PRELID2: variants seen among roughly 807,000 people sequenced by gnomAD.
The protein encoded by PRELID2 is PRELI domain-containing protein 2.
PRELID2 carries 25 observed loss-of-function variants against 28.4 expected under a neutral mutation model. That is an observed-to-expected ratio of 0.88 (90% CI 0.64 to 1.23). The LOEUF (loss-of-function observed/expected upper bound fraction) is 1.23, where lower values mean the gene tolerates loss of function less well. Among genes scored for constraint, PRELID2 ranks in the 50% most tolerant of loss-of-function variants. PRELID2 has a pLI of 0.00. For missense variants in PRELID2, 201 were observed against 214.4 expected (o/e 0.94, Z 0.39); for synonymous variants, 76 against 71.6 (o/e 1.06, Z -0.31).
intron 1 of PRELID2, among the ~76,000 whole-genome samples, chr5:145,626,809 C>A (rs1753852290): frequency 6.6e-6 from 1 of 152,008 alleles, no homozygotes; most frequent in South Asian, 2.1e-4. Flanking sequence ...TTTAAAATGT[C>A]ATGTATAGGC....
the PRELID2 span, among the ~76,000 whole-genome samples, chr5:145,232,053 A>G: frequency 6.6e-6 from 1 of 152,174 alleles, no homozygotes; most frequent in East Asian, 1.9e-4. Flanking sequence ...CAGATTTTTT[A>G]AAAACACATT....
At chr5:145,718,956 C>T (rs1020829000) in intron 1 of PRELID2, among the ~76,000 whole-genome samples, 1 of 152,030 alleles carries the variant, frequency 6.6e-6, no homozygotes, top group East Asian at 1.9e-4. Flanking sequence ...TAAAAGCATA[C>T]ACTATATGGG....
the PRELID2 span, among the ~76,000 whole-genome samples, chr5:145,340,882 C>G: frequency 6.6e-6 from 1 of 150,920 alleles, no homozygotes. Context: ...AACACTGCCA[C>G]CACTAGGGCC....
chr5:145,723,541 G>A (rs1276027906), intron 1 of PRELID2, among the ~76,000 whole-genome samples: 1 of 152,102 alleles, frequency 6.6e-6, no homozygotes, highest in Admixed American at 6.6e-5. Flanking sequence ...ATGAGTTAAA[G>A]GCACAAGCCA....
chr5:145,720,430 A>G (rs1755956214), intron 1 of PRELID2, among the ~76,000 whole-genome samples: 1 of 151,976 alleles, frequency 6.6e-6, no homozygotes, highest in African/African-American at 2.4e-5. Context: ...CATACAGATC[A>G]AGGCAAGAAG....
chr5:145,402,669 G>A, the PRELID2 span, among the ~76,000 whole-genome samples: 25 of 152,112 alleles, frequency 1.6e-4, no homozygotes. Context: ...ATATTAGTGT[G>A]CACCTGATGA....
downstream of PRELID2, among the ~76,000 whole-genome samples, chr5:145,751,609 T>G (rs183205915): frequency 2.6e-5 from 4 of 152,358 alleles, no homozygotes; most frequent in East Asian, 7.7e-4. Context: ...CAATTTTACT[T>G]TCTACAAAGT....
At chr5:145,827,304 C>A (rs916573702) in intron 1 of PRELID2, among the ~76,000 whole-genome samples, 2 of 152,046 alleles carry the variant, frequency 1.3e-5, no homozygotes, top group African/African-American at 4.8e-5. Context: ...AGAAGAAAAG[C>A]AAAGTTGATT....
chr5:145,806,099 G>A (rs529034802), intron 4 of PRELID2, among the ~76,000 whole-genome samples: 1 of 151,940 alleles, frequency 6.6e-6, no homozygotes, highest in Admixed American at 6.6e-5. Context: ...TGTACACCTA[G>A]GCTACACTAA....
the PRELID2 span, among the ~76,000 whole-genome samples, chr5:145,251,616 C>T: frequency 1.3e-5 from 2 of 152,090 alleles, no homozygotes; most frequent in Non-Finnish European, 2.9e-5. Flanking sequence ...ATCAATACTC[C>T]CCATAGTCTT....
chr5:145,544,653 G>C (rs1752770712), intron 1 of PRELID2, among the ~76,000 whole-genome samples: 1 of 152,074 alleles, frequency 6.6e-6, no homozygotes, highest in Non-Finnish European at 1.5e-5. Context: ...CTCTGTGGTG[G>C]TGTGTGTCTC....
At chr5:145,818,196 C>T (rs892148386) in intron 3 of PRELID2, 142 bp from the exon 4 acceptor site, 14 of 826,916 alleles carry the variant, frequency 1.7e-5, no homozygotes, top group Non-Finnish European at 2.4e-5. Context: ...AGTGGCTGTA[C>T]GTTTTTGATA....
the PRELID2 span, among the ~76,000 whole-genome samples, chr5:145,408,395 TTATA>T: frequency 0.062 from 7,945 of 129,160 alleles, 246 homozygotes; most frequent in Middle Eastern, 0.085. Flanking sequence ...TTAAAGAAAT[TTATA>T]TATATATATA....
chr5:145,402,253 C>T, the PRELID2 span, among the ~76,000 whole-genome samples: 1 of 152,108 alleles, frequency 6.6e-6, no homozygotes, highest in Non-Finnish European at 1.5e-5. Context: ...GCAAAACTGG[C>T]TTTTCTTGAG....
downstream of PRELID2, among the ~76,000 whole-genome samples, chr5:145,751,678 T>C (rs1468117440): frequency 2.6e-5 from 4 of 152,216 alleles, no homozygotes; most frequent in Non-Finnish European, 4.4e-5. Context: ...GAAAAATTAA[T>C]GCTCCAAAAG....
At chr5:145,610,613 A>T (rs985887944) in intron 1 of PRELID2, among the ~76,000 whole-genome samples, 55 of 152,288 alleles carry the variant, frequency 3.6e-4, no homozygotes, top group Non-Finnish European at 1.0e-4. Context: ...CTTGTTATGC[A>T]CCAAAATCTG....
intron 1 of PRELID2, among the ~76,000 whole-genome samples, chr5:145,516,563 C>T (rs1193475089): frequency 3.9e-5 from 6 of 152,040 alleles, no homozygotes; most frequent in Admixed American, 3.9e-4. Flanking sequence ...CCATATTGCC[C>T]AAAGTAATTT....
intron 1 of PRELID2, among the ~76,000 whole-genome samples, chr5:145,509,083 A>G (rs1752439296): frequency 6.6e-6 from 1 of 152,168 alleles, no homozygotes; most frequent in African/African-American, 2.4e-5. Context: ...GAGGTAAGAG[A>G]TAGAGTAGGT....
intron 1 of PRELID2, among the ~76,000 whole-genome samples, chr5:145,540,579 G>T (rs897441205): frequency 1.3e-5 from 2 of 151,286 alleles, no homozygotes; most frequent in African/African-American, 4.9e-5. Context: ...CCAAGATACA[G>T]GAAATATGGG....
Sources: allele counts gnomAD v4.1 joint callset (sites outside exome capture counted in the v4.1 genomes callset), GRCh38; gene constraint gnomAD v4.1.1; transcripts MANE v1.5; gene names NCBI Gene and HGNC (gene_info 2026-07-23, HGNC 2026-07-21).